SLC5A12: variants seen among roughly 807,000 people sequenced by gnomAD.
SLC5A12 encodes the protein sodium-coupled monocarboxylate transporter 2.
Under a neutral mutation model 72.7 loss-of-function variants are expected in SLC5A12, and 46 were observed. The observed-to-expected ratio is 0.63, with a 90% CI of 0.50 to 0.81. SLC5A12 has a LOEUF of 0.81. SLC5A12 is among the 30% of genes least tolerant of loss of function. SLC5A12 has a pLI of 0.00. For synonymous variants in SLC5A12, 275 were observed against 264.4 expected (o/e 1.04, Z -0.39); for missense variants, 683 against 740.7 (o/e 0.92, Z 0.90).
intron 1 of SLC5A12, among the ~76,000 whole-genome samples, chr11:26,720,533 G>T (rs995662244): frequency 1.3e-5 from 2 of 151,740 alleles, no homozygotes; most frequent in East Asian, 3.9e-4. Flanking sequence ...TTGAAGGCTA[G>T]AATAATGTTT....
At chr11:26,699,406 T>C (rs1430140990) in intron 6 of SLC5A12, among the ~76,000 whole-genome samples, 1 of 152,200 alleles carries the variant, frequency 6.6e-6, no homozygotes, top group African/African-American at 2.4e-5. Context: ...ACCTATACCG[T>C]ACAGGTGTAC....
intron 9 of SLC5A12, among the ~76,000 whole-genome samples, chr11:26,687,963 A>T (rs1384239557): frequency 6.6e-6 from 1 of 152,212 alleles, no homozygotes; most frequent in Non-Finnish European, 1.5e-5. Context: ...AAGCCTGAAG[A>T]ACAGAAGAAA....
In SLC5A12 at chr11:26,703,594, T is replaced by C; in HGVS notation, c.758A>G (p.Tyr253Cys). Residue 253 changes from tyrosine to cysteine, a missense_variant, in exon 6 of 15, where the codon TAT becomes TGT. Tyr to Cys is a radical substitution (Grantham distance 194). Coordinates refer to ENST00000396005, the MANE Select transcript of SLC5A12 (RefSeq NM_178498.4). ...CTGAATAGTTGATTGATTGACCCCA[T>C]AGATTCCGAGCCAAGTAAAAGTTCC... is the stretch of plus-strand genomic sequence containing the variant. ...VGGTFTWLGI[Y>C]GVNQSTIQRC... The C allele has an allele frequency of 6.2e-7, 1 of 1,614,002 alleles. No homozygotes were observed. Among genetic ancestry groups the C allele is most frequent in the South Asian group, 1.1e-5 (1 of 91,082 alleles).
Position 26,704,001 on chromosome 11 carries a change from G to A in SLC5A12, c.526-54C>T. The A allele has an allele frequency of 1.9e-6, 3 of 1,588,836 alleles. No homozygotes were observed. The East Asian group carries it at 6.7e-5, about 36-fold the overall frequency. The stretch of plus-strand genomic sequence containing the variant: ...GAAAACAAACCCTGTAACTGTACTG[G>A]CTCTGCAAAGCCTCTCTGCTAATGC... On this transcript the variant is annotated intron_variant, in intron 4 of 14. Transcript: ENST00000396005.
chr11:26,670,848 T>C lies in SLC5A12; in HGVS notation c.*254A>G, dbSNP rs1353712630. Reference sequence around the variant, plus strand: ...GGTAATGAAATCCAGCCCTAATTTATTCAAGAAGGAAGTAGTCAAGGGCAT... The same window carrying C: ...GGTAATGAAATCCAGCCCTAATTTACTCAAGAAGGAAGTAGTCAAGGGCAT... On this transcript the variant is annotated 3_prime_UTR_variant, in exon 15 of 15. Coordinates refer to ENST00000396005, the MANE Select transcript of SLC5A12 (RefSeq NM_178498.4). The C allele has an allele frequency of 9.4e-6, 3 of 320,216 alleles. No individual in the cohort carries two copies. The highest frequency in any genetic ancestry group is 6.4e-5 in the African/African-American group (3 of 46,764). The allele number at this position is 320,216 out of a possible 1,614,324, so 19.8% of individuals were successfully genotyped here. A position where few individuals can be genotyped will look rare whatever the true frequency, so the allele number is the denominator to read the frequency against.
rs968024226 is a variant in SLC5A12 at position 26,696,531 on chromosome 11, T to C, written c.1040+633A>G. ...ACATCATAATGTGCTTACACAAACCTAGATGGCATTGTCTGCTATACACCT... is the reference window on the plus strand; with the variant it reads ...ACATCATAATGTGCTTACACAAACCCAGATGGCATTGTCTGCTATACACCT... On this transcript the variant is annotated intron_variant, in intron 8 of 14. Transcript: ENST00000396005. 4.6e-5 allele frequency among the ~76,000 whole-genome samples: 7 copies of C among 152,200 alleles called. No individual in the cohort carries two copies. In the South Asian group the frequency reaches 1.0e-3, roughly 23 times the overall value.
At chr11:26,671,427 T>C (rs1854140148) in intron 14 of SLC5A12, among the ~76,000 whole-genome samples, 176 bp from the exon 15 acceptor site, 1 of 152,114 alleles carries the variant, frequency 6.6e-6, no homozygotes, top group Non-Finnish European at 1.5e-5. Flanking sequence ...CCACGTAAGG[T>C]ACTATTTCTA....
chr11:26,706,038 C>T (rs1855082364), intron 4 of SLC5A12, among the ~76,000 whole-genome samples: 1 of 151,554 alleles, frequency 6.6e-6, no homozygotes, highest in South Asian at 2.1e-4. Context: ...ATCAAACTGC[C>T]TTGTTTGGGG....
At chr11:26,712,777 C>A in intron 1 of SLC5A12, 71 bp from the exon 2 acceptor site, 1 of 1,076,546 alleles carries the variant, frequency 9.3e-7, no homozygotes, top group Non-Finnish European at 1.4e-6. Context: ...TCCTTTTTAT[C>A]TTGGTATATC....
At chr11:26,699,648 A>G (rs1180206049) in intron 6 of SLC5A12, among the ~76,000 whole-genome samples, 2 of 152,198 alleles carry the variant, frequency 1.3e-5, no homozygotes, top group African/African-American at 4.8e-5. Flanking sequence ...CGATAATTGC[A>G]TTAGTTGTAC....
In SLC5A12 at chr11:26,683,708, T is replaced by C. The variant is rs148155918; in HGVS notation, c.1308+49A>G. On this transcript the variant is annotated intron_variant, in intron 11 of 14. Coordinates refer to ENST00000396005, the MANE Select transcript of SLC5A12 (RefSeq NM_178498.4). ...GGGCTGAGAGGAGAGAGAAAACGGCTGGGCCCAGTTTTGACTGGGAATTGT... is the reference window on the plus strand; with the variant it reads ...GGGCTGAGAGGAGAGAGAAAACGGCCGGGCCCAGTTTTGACTGGGAATTGT... 2.2e-3 allele frequency: 3,202 copies of C among 1,473,222 alleles called. 49 individuals carry two copies. In the African/African-American group the frequency reaches 0.036, roughly 17 times the overall value. The allele number at this position is 1,473,222 out of a possible 1,614,324, so 91.3% of individuals were successfully genotyped here.
intron 1 of SLC5A12, among the ~76,000 whole-genome samples, chr11:26,712,919 G>T (rs185998442): frequency 3.4e-4 from 51 of 152,204 alleles, no homozygotes; most frequent in African/African-American, 1.2e-3. Context: ...TTCTCATGAT[G>T]ATCAGAGAAG....
At chr11:26,703,451 C>G (rs546993737) in intron 6 of SLC5A12, 80 bp downstream of exon 6, 2 of 1,406,208 alleles carry the variant, frequency 1.4e-6, no homozygotes, top group Non-Finnish European at 1.9e-6. Context: ...CACACACCCC[C>G]CAAGAGGAAG....
intron 1 of SLC5A12, among the ~76,000 whole-genome samples, chr11:26,719,582 T>C (rs1855430738): frequency 6.6e-6 from 1 of 152,170 alleles, no homozygotes; most frequent in African/African-American, 2.4e-5. Context: ...CCAAGCACAC[T>C]GATTTCTTTG....
intron 9 of SLC5A12, chr11:26,692,009 GT>G (rs1854688961): frequency 6.4e-6 from 1 of 155,258 alleles, no homozygotes. Context: ...AGAGATTGAT[GT>G]GATTAGTTTG....
Position 26,703,602 on chromosome 11 carries a change from G to A in SLC5A12, c.750C>T (p.Leu250=), listed in dbSNP as rs188464363. The change falls in exon 6 of 15, where the codon CTC becomes CTT. Residue 250 remains leucine, a synonymous_variant. Coordinates refer to ENST00000396005, the MANE Select transcript of SLC5A12 (RefSeq NM_178498.4). ...TITVGGTFTW[L]GIYGVNQSTI... ...TTGATTGATTGACCCCATAGATTCC[G>A]AGCCAAGTAAAAGTTCCTCCCACTG... The A allele has an allele frequency of 2.3e-4, 376 of 1,613,902 alleles. 1 individual carries two copies. The highest frequency in any genetic ancestry group is 1.9e-3 in the Admixed American group (114 of 59,978).
chr11:26,703,654 A>G lies in SLC5A12; in HGVS notation c.698T>C (p.Leu233Pro). 6.2e-7 allele frequency: 1 copy of G among 1,613,898 alleles called. No individual in the cohort carries two copies. The highest frequency in any genetic ancestry group is 8.5e-7 in the Non-Finnish European group (1 of 1,179,850). The change falls in exon 6 of 15, where the codon CTC becomes CCC. Residue 233 changes from leucine (L) to proline (P), a missense_variant. By Grantham distance (98) the Leu-to-Pro change is moderately conservative. Coordinates refer to ENST00000396005, the MANE Select transcript of SLC5A12 (RefSeq NM_178498.4). ...GATAGTCCAAAAAGTGTGTCGCCTG[A>G]GAGGATCTACATCAAAGCTATGAGA... ...LHIFDFDVDP[L>P]RRHTFWTITV...
At chr11:26,701,091 C>T (rs1223655838) in intron 6 of SLC5A12, among the ~76,000 whole-genome samples, 4 of 152,146 alleles carry the variant, frequency 2.6e-5, no homozygotes, top group African/African-American at 9.7e-5. Context: ...CTCTGAGTGG[C>T]TTCCAGATGC....
rs1302742604 is a variant in SLC5A12, at chr11:26,670,927, C to T, written c.*175G>A. ...AGTTGGAGTCTTTCAAAGAATATCC[C>T]GAGAGACAGTCATTTTGCATGTAGT... On this transcript the variant is annotated 3_prime_UTR_variant, in exon 15 of 15. Coordinates refer to ENST00000396005, the MANE Select transcript of SLC5A12 (RefSeq NM_178498.4). 1.7e-5 allele frequency: 9 copies of T among 518,494 alleles called. No homozygotes were observed. The highest frequency in any genetic ancestry group is 2.2e-5 in the Non-Finnish European group (7 of 321,410). The allele number at this position is 518,494 out of a possible 1,614,324, so 32.1% of individuals were successfully genotyped here.
Sources: gnomAD v4.1 joint callset for allele counts (sites outside exome capture counted in the v4.1 genomes callset) on GRCh38, gnomAD v4.1.1 for gene constraint, MANE v1.5 for transcripts, NCBI Gene and HGNC (gene_info 2026-07-23, HGNC 2026-07-21) for gene names.